SLC9A9: variants seen among roughly 807,000 people sequenced by gnomAD.
SLC9A9 encodes sodium/hydrogen exchanger 9.
SLC9A9 carries 62 observed loss-of-function variants against 77.8 expected under a neutral mutation model. The ratio of observed to expected loss-of-function variants is 0.80; its 90% CI spans 0.65 to 0.98. The LOEUF is 0.98. SLC9A9 is among the 50% of genes least tolerant of loss of function. The pLI is 0.00. For missense variants in SLC9A9, 775 were observed against 774.9 expected, an observed-to-expected ratio of 1.00 and a Z score of 0.00; for synonymous variants, 320 against 283.5, an observed-to-expected ratio of 1.13 and a Z score of -1.29.
chr3:143,366,093 GT>G (rs2108486283), intron 13 of SLC9A9, among the ~76,000 whole-genome samples: 1 of 152,302 alleles, frequency 6.6e-6, no homozygotes, highest in African/African-American at 2.4e-5. Flanking sequence ...TGTTTTTAAT[GT>G]AAGGGTGGGC....
chr3:143,447,249 T>C (rs1464749833), intron 12 of SLC9A9, among the ~76,000 whole-genome samples: 2 of 152,212 alleles, frequency 1.3e-5, no homozygotes, highest in African/African-American at 2.4e-5. Context: ...GGTGCCCTAC[T>C]GGGTTATGCA....
intron 4 of SLC9A9, among the ~76,000 whole-genome samples, chr3:143,728,263 G>C (rs1038312752): frequency 1.3e-5 from 2 of 152,174 alleles, no homozygotes; most frequent in East Asian, 1.9e-4. Flanking sequence ...CCTGTCAGTG[G>C]TGGAGAAAAA....
At chr3:143,712,006 T>G (rs1158616676) in intron 4 of SLC9A9, among the ~76,000 whole-genome samples, 2 of 152,224 alleles carry the variant, frequency 1.3e-5, no homozygotes, top group African/African-American at 4.8e-5. Flanking sequence ...ACTCTTCATC[T>G]ATGGCCCTGC....
At chr3:143,355,773 G>A (rs943050782) in intron 14 of SLC9A9, among the ~76,000 whole-genome samples, 2 of 152,314 alleles carry the variant, frequency 1.3e-5, no homozygotes, top group Admixed American at 6.5e-5. Flanking sequence ...CGTGATAAGC[G>A]AGTGAATAAA....
intron 6 of SLC9A9, among the ~76,000 whole-genome samples, chr3:143,634,885 CCTGA>C (rs1410415277): frequency 2.6e-5 from 4 of 151,834 alleles, no homozygotes; most frequent in South Asian, 2.1e-4. Context: ...TTTTTAAAAG[CCTGA>C]CTATTATTTA....
At chr3:143,765,063 CTCTTTTTCTCTCTT>C (rs2007266645) in intron 4 of SLC9A9, among the ~76,000 whole-genome samples, 1 of 141,720 alleles carries the variant, frequency 7.1e-6, no homozygotes, top group African/African-American at 2.7e-5. Flanking sequence ...CTTTCTTTCC[CTCTTTTTCTCTCTT>C]TCTTTTTCTT....
chr3:143,576,290 T>A (rs1422580296), intron 7 of SLC9A9, among the ~76,000 whole-genome samples: 1 of 152,204 alleles, frequency 6.6e-6, no homozygotes, highest in South Asian at 2.1e-4. Context: ...TTGTAAAACT[T>A]ATCTGATGAT....
intron 4 of SLC9A9, among the ~76,000 whole-genome samples, chr3:143,782,944 T>C (rs2007928394): frequency 6.6e-6 from 1 of 152,112 alleles, no homozygotes; most frequent in African/African-American, 2.4e-5. Context: ...CCTTAATTGC[T>C]CTAAATCTGA....
Position 143,832,041 on chromosome 3 carries a change from T to C in SLC9A9, c.356A>G (p.Gln119Arg). The C allele has an allele frequency of 1.2e-6, 2 of 1,612,720 alleles. No individual in the cohort carries two copies. The highest frequency in any genetic ancestry group is 1.7e-6 in the Non-Finnish European group (2 of 1,179,278). The change falls in exon 2 of 16, where the codon CAA becomes CGA. Residue 119 changes from glutamine (Q) to arginine (R), a missense_variant. Physicochemically the swap from Gln to Arg is conservative, Grantham distance 43. Coordinates refer to ENST00000316549, the MANE Select transcript of SLC9A9 (RefSeq NM_173653.4). ...TACCTTTTCAAGTATAGCATTTCCT[T>C]GATGAGGATTGATGTTGTGCTGACT... ...EISQHNINPHQGNAILEKMTF... is the reference protein window; with the variant it reads ...EISQHNINPHRGNAILEKMTF...
intron 6 of SLC9A9, among the ~76,000 whole-genome samples, chr3:143,587,053 A>C (rs1364723430): frequency 6.6e-6 from 1 of 152,258 alleles, no homozygotes; most frequent in East Asian, 1.9e-4. Context: ...CTTGATGAAT[A>C]TCATCTTGTC....
At chr3:143,641,557 C>A (rs1282094036) in intron 6 of SLC9A9, among the ~76,000 whole-genome samples, 1 of 151,886 alleles carries the variant, frequency 6.6e-6, no homozygotes, top group Non-Finnish European at 1.5e-5. Flanking sequence ...CCATGCCCAG[C>A]TAATTTTTTG....
At chr3:143,390,245 T>C (rs1390260545) in intron 12 of SLC9A9, among the ~76,000 whole-genome samples, 1 of 152,240 alleles carries the variant, frequency 6.6e-6, no homozygotes, top group Non-Finnish European at 1.5e-5. Flanking sequence ...GTCTGGTCTA[T>C]CTTTAACTCT....
At chr3:143,345,711 A>G (rs2032248680) in intron 14 of SLC9A9, among the ~76,000 whole-genome samples, 1 of 152,220 alleles carries the variant, frequency 6.6e-6, no homozygotes, top group African/African-American at 2.4e-5. Flanking sequence ...AATCTCTCCA[A>G]CAGGGCTCAT....
chr3:143,578,022 G>T (rs1469721654), intron 7 of SLC9A9, among the ~76,000 whole-genome samples: 1 of 152,076 alleles, frequency 6.6e-6, no homozygotes, highest in Non-Finnish European at 1.5e-5. Context: ...ACAACAAAAA[G>T]GAATCAAATG....
chr3:143,719,913 C>A (rs1337708824), intron 4 of SLC9A9, among the ~76,000 whole-genome samples: 2 of 152,142 alleles, frequency 1.3e-5, no homozygotes, highest in Non-Finnish European at 2.9e-5. Context: ...CCCCTTACAG[C>A]TTCCTCCTGG....
Position 143,516,637 on chromosome 3 carries a change from G to A in SLC9A9, c.1090-21189C>T, listed in dbSNP as rs147301451. On this transcript the variant is annotated intron_variant, in intron 9 of 15. Coordinates refer to ENST00000316549, the MANE Select transcript of SLC9A9 (RefSeq NM_173653.4). Reference sequence around the variant, plus strand: ...TTTTAAAAATTAGAGCATTACTGATGACAGAGTCTCCTTTGATTACCCTTC... The same window carrying A: ...TTTTAAAAATTAGAGCATTACTGATAACAGAGTCTCCTTTGATTACCCTTC... Among the ~76,000 whole-genome samples the A allele has an allele frequency of 1.2e-3, 190 of 152,186 alleles. 1 individual carries two copies. The highest frequency in any genetic ancestry group is 3.4e-3 in the Middle Eastern group (1 of 294).
chr3:143,326,987 G>T (rs886382048), intron 14 of SLC9A9, among the ~76,000 whole-genome samples: 12 of 152,118 alleles, frequency 7.9e-5, no homozygotes, highest in African/African-American at 2.9e-4. Flanking sequence ...CCTTTTATCT[G>T]TCAGTAGATG....
intron 13 of SLC9A9, among the ~76,000 whole-genome samples, chr3:143,369,419 G>C (rs2032992677): frequency 6.6e-6 from 1 of 152,126 alleles, no homozygotes; most frequent in Non-Finnish European, 1.5e-5. Context: ...ATAAGTTCTA[G>C]TGTTCTGTAG....
chr3:143,503,579 A>G (rs2035960844), intron 9 of SLC9A9: 2 of 421,204 alleles, frequency 4.7e-6, no homozygotes, highest in South Asian at 3.5e-5. Context: ...GGAACATGGA[A>G]GGATATGCCA....
Sources: gnomAD v4.1 joint callset for allele counts (sites outside exome capture counted in the v4.1 genomes callset) on GRCh38, gnomAD v4.1.1 for gene constraint, MANE v1.5 for transcripts, NCBI Gene and HGNC (gene_info 2026-07-23, HGNC 2026-07-21) for gene names.